Variants in SLC6A13 observed in about 807,000 individuals in gnomAD.
The protein encoded by SLC6A13 is sodium- and chloride-dependent GABA transporter 2.
SLC6A13 carries 69 observed loss-of-function variants against 72.9 expected under a neutral mutation model. The observed-to-expected ratio is 0.95, with a 90% CI of 0.78 to 1.16. SLC6A13 has a LOEUF of 1.16. SLC6A13 is among the 50% of genes most tolerant of loss of function. The probability of loss-of-function intolerance (pLI) is 0.00; values close to 1 mark genes in which losing one functional copy is unlikely to be tolerated. For synonymous variants in SLC6A13, 303 were observed against 303.0 expected (o/e 1.00, Z 0.00); for missense variants, 735 against 760.5 (o/e 0.97, Z 0.39).
At chr12:239,296 G>A (rs185851306) in intron 4 of SLC6A13, among the ~76,000 whole-genome samples, 12 of 47,700 alleles carry the variant, frequency 2.5e-4, no homozygotes, top group East Asian at 7.4e-4. Flanking sequence ...CCCTGCACAC[G>A]TGGGGTGTGT....
intron 10 of SLC6A13, 28 bp downstream of exon 10, chr12:224,373 C>T: frequency 6.3e-7 from 1 of 1,578,892 alleles, no homozygotes; most frequent in East Asian, 2.2e-5. Context: ...ACTCATCTCT[C>T]AGCCTCTGAG....
Position 221,557 on chromosome 12 carries a change from G to C in SLC6A13, c.1516-11C>G, listed in dbSNP as rs866581720. 2.6e-6 allele frequency: 4 copies of C among 1,548,292 alleles called. No homozygotes were observed. The highest frequency in any genetic ancestry group is 3.4e-4 in the Middle Eastern group (2 of 5,804). ...GAAGAGAAAGGTGGCCTGAGGGGGA[G>C]AGCAGAAGAGAAAGGGGTTGGGGGG... On this transcript the variant is annotated splice_polypyrimidine_tract_variant and intron_variant, in intron 13 of 14. Transcript: ENST00000343164.
At chr12:262,557 A>G (rs990527610) in intron 1 of SLC6A13, 8 of 262,754 alleles carry the variant, frequency 3.0e-5, no homozygotes, top group Non-Finnish European at 4.1e-5. Flanking sequence ...TTTCCTCTCA[A>G]TCTAGGGCTC....
intron 7 of SLC6A13, among the ~76,000 whole-genome samples, chr12:233,885 G>C (rs1941818733): frequency 6.6e-6 from 1 of 152,178 alleles, no homozygotes; most frequent in East Asian, 1.9e-4. Flanking sequence ...AGCGGCTCCA[G>C]CTTGAATAGG....
intron 7 of SLC6A13, among the ~76,000 whole-genome samples, chr12:230,197 G>C (rs1025653276): frequency 1.2e-4 from 19 of 152,128 alleles, no homozygotes; most frequent in African/African-American, 4.6e-4. Context: ...TCTCTGGCTA[G>C]GGCAGAAGGC....
intron 1 of SLC6A13, among the ~76,000 whole-genome samples, chr12:261,970 T>C (rs1469374452): frequency 6.6e-6 from 1 of 151,510 alleles, no homozygotes; most frequent in African/African-American, 2.4e-5. Flanking sequence ...CAGGCATCTA[T>C]GTTTATCTGA....
intron 2 of SLC6A13, among the ~76,000 whole-genome samples, chr12:248,774 C>T (rs1313859021): frequency 6.6e-6 from 1 of 152,130 alleles, no homozygotes; most frequent in Non-Finnish European, 1.5e-5. Context: ...ATTATATCCA[C>T]CAGCTCAACT....
chr12:239,450 C>T (rs1942084859), intron 4 of SLC6A13, among the ~76,000 whole-genome samples: 2 of 152,184 alleles, frequency 1.3e-5, no homozygotes, highest in Non-Finnish European at 2.9e-5. Context: ...TGACTCGTTC[C>T]CCCTCCTCCT....
chr12:260,179 T>C (rs992521111), intron 1 of SLC6A13, 122 bp from the exon 2 acceptor site: 2 of 1,031,766 alleles, frequency 1.9e-6, no homozygotes, highest in Non-Finnish European at 2.8e-6. Flanking sequence ...TTCTATTCCC[T>C]TCCCTGTAGA....
chr12:224,601 G>T, intron 9 of SLC6A13, 88 bp from the exon 10 acceptor site: 1 of 1,024,480 alleles, frequency 9.8e-7, no homozygotes, highest in Non-Finnish European at 1.5e-6. Context: ...TGGGGCCACA[G>T]AATAACAGGG....
intron 4 of SLC6A13, among the ~76,000 whole-genome samples, chr12:241,649 C>A (rs1238036285): frequency 6.6e-6 from 1 of 152,230 alleles, no homozygotes; most frequent in Admixed American, 6.5e-5. Context: ...AAATAAATAA[C>A]CACATGTAGC....
rs1021306294 is a variant in SLC6A13, at chr12:221,438, T to C, written c.1624A>G (p.Met542Val). ...ALGWLLALSS[M>V]VCIPAWSLYR... is the part of the protein sequence containing the mutation. ...AGGCTCCAGGCAGGAATGCAGACCA[T>C]GGAGGACAGAGCCAGGAGCCAGCCC... The change falls in exon 14 of 15, where the codon ATG becomes GTG. Residue 542 changes from methionine (M) to valine (V), a missense_variant. By Grantham distance (21) the Met-to-Val change is conservative. Coordinates refer to ENST00000343164, the MANE Select transcript of SLC6A13 (RefSeq NM_016615.5). 1.2e-6 allele frequency: 2 copies of C among 1,613,736 alleles called. No homozygotes were observed. The highest frequency in any genetic ancestry group is 1.7e-6 in the Non-Finnish European group (2 of 1,179,906).
At chr12:253,443 GCTT>G (rs1849001426) in intron 2 of SLC6A13, 2 of 152,234 alleles carry the variant, frequency 1.3e-5, no homozygotes, top group South Asian at 4.1e-4. Context: ...CACGAACAGT[GCTT>G]CTTATTTCTC....
At chr12:262,124 A>C (rs976981333) in intron 1 of SLC6A13, among the ~76,000 whole-genome samples, 2 of 152,056 alleles carry the variant, frequency 1.3e-5, no homozygotes, top group Non-Finnish European at 2.9e-5. Flanking sequence ...GATCTCTCCC[A>C]GTGATGGAAA....
chr12:220,998 T>C lies in SLC6A13; in HGVS notation c.1759A>G (p.Thr587Ala). 6.2e-7 allele frequency: 1 copy of C among 1,612,656 alleles called. No homozygotes were observed. The highest frequency in any genetic ancestry group is 8.5e-7 in the Non-Finnish European group (1 of 1,179,798). ...RNPAGPSAPA[T>A]PRTSLLRLTE... Reference sequence around the variant, plus strand: ...AGTCTGAGCAGTGAGGTCCTGGGGGTGGCGGGAGCCGAGGGTCCTGCTGGG... The same window carrying C: ...AGTCTGAGCAGTGAGGTCCTGGGGGCGGCGGGAGCCGAGGGTCCTGCTGGG... Residue 587 changes from threonine (T) to alanine (A), a missense_variant, in exon 15 of 15, where the codon ACC becomes GCC. By Grantham distance (58) the Thr-to-Ala change is moderately conservative. Transcript: ENST00000343164.
At chr12:227,453 A>G in intron 8 of SLC6A13, 112 bp downstream of exon 8, 1 of 1,538,686 alleles carries the variant, frequency 6.5e-7, no homozygotes, top group Non-Finnish European at 8.8e-7. Context: ...GGGTGTAGAC[A>G]GGGGGGCAGA....
intron 2 of SLC6A13, among the ~76,000 whole-genome samples, chr12:247,039 A>G (rs988575536): frequency 7.3e-6 from 1 of 136,436 alleles, no homozygotes; most frequent in African/African-American, 2.6e-5. Context: ...AAGAAAAGAA[A>G]GAAAGAAAAG....
chr12:221,236 A>G, intron 14 of SLC6A13, 140 bp downstream of exon 14: 2 of 1,268,730 alleles, frequency 1.6e-6, no homozygotes, highest in South Asian at 3.1e-5. Context: ...CTCAGCAGCC[A>G]CTCTATCGCT....
chr12:232,655 C>T (rs189610166), intron 7 of SLC6A13, among the ~76,000 whole-genome samples: 290 of 152,262 alleles, frequency 1.9e-3, no homozygotes, highest in Middle Eastern at 6.8e-3. Context: ...TCGTACCCTG[C>T]GTGGACATGA....
Sources: gnomAD v4.1 joint callset for allele counts (sites outside exome capture counted in the v4.1 genomes callset) on GRCh38, gnomAD v4.1.1 for gene constraint, MANE v1.5 for transcripts, NCBI Gene and HGNC (gene_info 2026-07-23, HGNC 2026-07-21) for gene names.